Variants in UBE2D2 observed in about 807,000 individuals in gnomAD.
UBE2D2 encodes ubiquitin conjugating enzyme E2 D2.
In UBE2D2, 2 loss-of-function variants were observed where a neutral mutation model predicts 24.2. The ratio of observed to expected loss-of-function variants is 0.08; its 90% CI spans 0.03 to 0.26. UBE2D2 has a LOEUF of 0.26. UBE2D2 is among the 10% of genes least tolerant of loss of function. UBE2D2 has a pLI of 1.00. For missense variants in UBE2D2, 44 were observed against 177.6 expected (o/e 0.25, Z 4.28); for synonymous variants, 58 against 56.5 (o/e 1.03, Z -0.12).
At chr5:139,616,634 G>A (rs1754426746) in intron 5 of UBE2D2, among the ~76,000 whole-genome samples, 1 of 152,140 alleles carries the variant, frequency 6.6e-6, no homozygotes, top group African/African-American at 2.4e-5. Context: ...ACATTGAAAT[G>A]AACACTCATA....
chr5:139,594,615 T>A (rs965939732), intron 1 of UBE2D2, among the ~76,000 whole-genome samples: 2 of 152,078 alleles, frequency 1.3e-5, no homozygotes, highest in Non-Finnish European at 2.9e-5. Flanking sequence ...GGTTTCACCA[T>A]GTTGGCCAGG....
chr5:139,535,104 G>T (rs13359597), intron 1 of UBE2D2, among the ~76,000 whole-genome samples: 7,078 of 149,674 alleles, frequency 0.047, 176 homozygotes, highest in Middle Eastern at 0.074. Context: ...CTCATGCCAC[G>T]GCGCTCCAGC....
intron 1 of UBE2D2, among the ~76,000 whole-genome samples, chr5:139,570,300 A>C (rs1481340483): frequency 6.6e-6 from 1 of 151,922 alleles, no homozygotes; most frequent in East Asian, 1.9e-4. Context: ...CAAAACAACT[A>C]TTGCAAATTT....
intron 1 of UBE2D2, among the ~76,000 whole-genome samples, chr5:139,545,676 G>T (rs577090935): frequency 6.9e-6 from 1 of 145,722 alleles, no homozygotes. Flanking sequence ...CACTCGCCTC[G>T]ACCTCCCAAA....
chr5:139,541,345 T>C (rs1249345839), intron 1 of UBE2D2, among the ~76,000 whole-genome samples: 1 of 149,550 alleles, frequency 6.7e-6, no homozygotes, highest in Non-Finnish European at 1.5e-5. Context: ...CTCACGCTTA[T>C]AATCCCAGCA....
intron 1 of UBE2D2, among the ~76,000 whole-genome samples, chr5:139,550,170 A>T (rs1752890125): frequency 6.6e-6 from 1 of 151,888 alleles, no homozygotes; most frequent in Admixed American, 6.6e-5. Flanking sequence ...AAGGTTTGTA[A>T]ACACACCAGT....
chr5:139,624,189 A>G (rs1411023146), intron 6 of UBE2D2, among the ~76,000 whole-genome samples: 1 of 152,196 alleles, frequency 6.6e-6, no homozygotes, highest in African/African-American at 2.4e-5. Context: ...GAAAGCCCCA[A>G]ATTTCTTTTA....
chr5:139,623,366 A>G lies in UBE2D2; in HGVS notation c.305-2A>G. The stretch of plus-strand genomic sequence containing the variant: ...TAATTTATATGATTTTTTTCATTCT[A>G]GTACTCTTGTCCATCTGTTCTCTGT... On this transcript the variant is annotated splice_acceptor_variant, in intron 5 of 6. Transcript: ENST00000398733. LOFTEE classifies it high-confidence loss of function. The G allele has an allele frequency of 6.3e-7, 1 of 1,579,882 alleles. No homozygotes were observed. Among genetic ancestry groups the G allele is most frequent in the Non-Finnish European group, 8.7e-7 (1 of 1,155,038 alleles).
At chr5:139,542,778 G>A (rs2126633283) in intron 1 of UBE2D2, among the ~76,000 whole-genome samples, 1 of 152,254 alleles carries the variant, frequency 6.6e-6, no homozygotes, top group South Asian at 2.1e-4. Context: ...GACTTAAAAA[G>A]GAAATAAATT....
At chr5:139,584,171 TC>T (rs1247347985) in intron 1 of UBE2D2, among the ~76,000 whole-genome samples, 2 of 152,166 alleles carry the variant, frequency 1.3e-5, no homozygotes, top group African/African-American at 2.4e-5. Context: ...TACCTTTTTT[TC>T]CTCATGTTTT....
chr5:139,603,553 C>T (rs1158550348), intron 2 of UBE2D2, among the ~76,000 whole-genome samples: 4 of 121,722 alleles, frequency 3.3e-5, no homozygotes, highest in African/African-American at 6.3e-5. Flanking sequence ...AACTGGGAGG[C>T]GGAGGTTGTG....
chr5:139,526,481 C>A (rs1276631605), exon 1 of UBE2D2: 1 of 152,372 alleles, frequency 6.6e-6, no homozygotes, highest in Non-Finnish European at 1.5e-5. Context: ...CCAAAGAGCG[C>A]TCCCGGGTAG....
intron 1 of UBE2D2, among the ~76,000 whole-genome samples, chr5:139,565,013 AG>A (rs1276087517): frequency 2.0e-5 from 3 of 152,178 alleles, no homozygotes; most frequent in African/African-American, 7.2e-5. Context: ...CTTCTGTCCT[AG>A]TAATGTGTCT....
At chr5:139,547,984 C>T (rs904053390) in intron 1 of UBE2D2, among the ~76,000 whole-genome samples, 2 of 151,586 alleles carry the variant, frequency 1.3e-5, no homozygotes, top group African/African-American at 4.8e-5. Context: ...CGTGAGCCAC[C>T]GAGCCTGGCC....
chr5:139,567,306 G>C (rs1581496468), intron 1 of UBE2D2, among the ~76,000 whole-genome samples: 1 of 152,010 alleles, frequency 6.6e-6, no homozygotes, highest in East Asian at 1.9e-4. Context: ...CACCATATTG[G>C]CCAGGCTGGT....
intron 1 of UBE2D2, among the ~76,000 whole-genome samples, chr5:139,581,080 G>A (rs889882642): frequency 1.3e-5 from 2 of 152,180 alleles, no homozygotes; most frequent in African/African-American, 2.4e-5. Flanking sequence ...TGGATGTGGG[G>A]GAGGAGAGGA....
intron 2 of UBE2D2, among the ~76,000 whole-genome samples, chr5:139,602,487 G>A (rs1444881271): frequency 6.6e-6 from 1 of 152,106 alleles, no homozygotes; most frequent in Non-Finnish European, 1.5e-5. Flanking sequence ...GACCAGCCTG[G>A]GCAACATGGT....
chr5:139,538,201 C>G (rs1273015531), intron 1 of UBE2D2, among the ~76,000 whole-genome samples: 1 of 151,990 alleles, frequency 6.6e-6, no homozygotes, highest in Non-Finnish European at 1.5e-5. Flanking sequence ...CTAGGCTGGT[C>G]TCAAACCCCT....
chr5:139,595,872 TTTTTTTTTTG>T, intron 1 of UBE2D2, among the ~76,000 whole-genome samples: 1 of 145,390 alleles, frequency 6.9e-6, no homozygotes, highest in African/African-American at 2.5e-5. Flanking sequence ...TTCTTGTGGG[TTTTTTTTTTG>T]TTTTTTGTTG....
Sources: allele counts gnomAD v4.1 joint callset (sites outside exome capture counted in the v4.1 genomes callset), GRCh38; gene constraint gnomAD v4.1.1; transcripts MANE v1.5; gene names NCBI Gene and HGNC (gene_info 2026-07-23, HGNC 2026-07-21).